The following PLCB4 variants were observed in gnomAD, a reference collection of about 807,000 sequenced individuals.
The protein encoded by PLCB4 is 1-phosphatidylinositol 4,5-bisphosphate phosphodiesterase beta-4.
A neutral mutation model predicts 178.8 loss-of-function variants in PLCB4; 77 were observed. The ratio of observed to expected loss-of-function variants is 0.43; its 90% CI spans 0.36 to 0.52. PLCB4 has a LOEUF of 0.52. Ranked by LOEUF, PLCB4 falls within the 20% of genes least tolerant of loss-of-function variation. PLCB4 has a pLI of 0.00. For synonymous variants in PLCB4, 496 were observed against 490.8 expected, an observed-to-expected ratio of 1.01 and a Z score of -0.14; for missense variants, 1,024 against 1,453.4, an observed-to-expected ratio of 0.70 and a Z score of 4.80.
chr20:9,248,960 G>T (rs1029665219), intron 3 of PLCB4, among the ~76,000 whole-genome samples: 1 of 152,178 alleles, frequency 6.6e-6, no homozygotes, highest in Admixed American at 6.5e-5. Context: ...GGGCTCCTGA[G>T]GGGGACCCTT....
intron 3 of PLCB4, among the ~76,000 whole-genome samples, chr20:9,259,275 A>G (rs1211128448): frequency 6.6e-6 from 1 of 152,192 alleles, no homozygotes; most frequent in African/African-American, 2.4e-5. Context: ...ATTTATACTT[A>G]CCACTTGTTT....
intron 6 of PLCB4, among the ~76,000 whole-genome samples, chr20:9,338,373 C>T (rs752853966): frequency 4.6e-5 from 7 of 151,782 alleles, no homozygotes; most frequent in Non-Finnish European, 8.8e-5. Context: ...AACAAAGACC[C>T]TCATATCTAG....
At chr20:9,399,790 A>G (rs192689140) in intron 19 of PLCB4, among the ~76,000 whole-genome samples, 1 of 152,242 alleles carries the variant, frequency 6.6e-6, no homozygotes, top group Non-Finnish European at 1.5e-5. Flanking sequence ...CAGTTTAGAC[A>G]TAAATTAAAT....
chr20:9,081,785 C>CAAAAAAAAAAA (rs2090159962), intron 1 of PLCB4, among the ~76,000 whole-genome samples: 1 of 57,744 alleles, frequency 1.7e-5, no homozygotes, highest in African/African-American at 6.1e-5. Flanking sequence ...AAAAAAAAAG[C>CAAAAAAAAAAA]CAAAGTTTAG....
In PLCB4 at chr20:9,322,894, A is replaced by C. The variant is rs563982743; in HGVS notation, c.85-14232A>C. On this transcript the variant is annotated intron_variant, in intron 4 of 39. Transcript: ENST00000378473. ...TTGCTACTCAAGAGATGTGACCATG[A>C]GTCAGTCTTAACACCCACCAAGCAC... 3.0e-4 allele frequency among the ~76,000 whole-genome samples: 45 copies of C among 152,338 alleles called. No individual in the cohort carries two copies. In the Middle Eastern group the frequency reaches 0.01, roughly 35 times the overall value.
chr20:9,370,010 G>A (rs976974882), intron 9 of PLCB4, among the ~76,000 whole-genome samples: 4 of 152,204 alleles, frequency 2.6e-5, no homozygotes, highest in Admixed American at 1.3e-4. Flanking sequence ...ATCAGGGAGC[G>A]ATTGAAGGCT....
intron 3 of PLCB4, among the ~76,000 whole-genome samples, chr20:9,298,856 A>C (rs1285376959): frequency 6.6e-6 from 1 of 152,054 alleles, no homozygotes; most frequent in Non-Finnish European, 1.5e-5. Flanking sequence ...ATTCCTGTGC[A>C]ATTTGTGTTC....
Position 9,407,922 on chromosome 20 carries a change from G to A in PLCB4, c.1653G>A (p.Leu551=). The part of the protein sequence containing the change: ...DLEHENNKKG[L]VTVEDEQAWM... ...TTTCTTCCTTGTGCTTGTAGGGCCTGGTCACTGTAGAAGATGAGCAGGCGT... is the reference window on the plus strand; with the variant it reads ...TTTCTTCCTTGTGCTTGTAGGGCCTAGTCACTGTAGAAGATGAGCAGGCGT... Residue 551 remains leucine, a synonymous_variant, in exon 22 of 40, where the codon CTG becomes CTA. Coordinates refer to ENST00000378473, the MANE Select transcript of PLCB4 (RefSeq NM_001377142.1). 1 of 1,612,192 alleles carries A rather than the reference G, an allele frequency of 6.2e-7. No homozygotes were observed. The highest frequency in any genetic ancestry group is 2.2e-5 in the East Asian group (1 of 44,830).
chr20:9,111,949 T>C (rs2091590391), intron 2 of PLCB4, among the ~76,000 whole-genome samples: 1 of 152,174 alleles, frequency 6.6e-6, no homozygotes, highest in African/African-American at 2.4e-5. Context: ...AGTGGAAGTA[T>C]TACTATCACC....
intron 4 of PLCB4, among the ~76,000 whole-genome samples, chr20:9,313,972 A>G (rs1479583858): frequency 2.0e-5 from 3 of 152,206 alleles, no homozygotes; most frequent in East Asian, 1.9e-4. Context: ...AGAAGCCTCA[A>G]TGAGGAGGCC....
intron 4 of PLCB4, among the ~76,000 whole-genome samples, chr20:9,308,574 G>C (rs917607705): frequency 2.6e-5 from 4 of 152,178 alleles, no homozygotes; most frequent in Admixed American, 2.6e-4. Context: ...CCTTTACCAA[G>C]AAGTTGAAAG....
chr20:9,189,665 C>G (rs999788937), intron 2 of PLCB4, among the ~76,000 whole-genome samples: 29 of 152,274 alleles, frequency 1.9e-4, no homozygotes, highest in African/African-American at 7.0e-4. Context: ...AAAATTATTT[C>G]TCATAATTCT....
intron 7 of PLCB4, among the ~76,000 whole-genome samples, chr20:9,353,251 G>A (rs113468575): frequency 0.014 from 2,105 of 152,258 alleles, 27 homozygotes; most frequent in Non-Finnish European, 0.022. Flanking sequence ...ACTTGTGTAG[G>A]ATGGCAGCTT....
At chr20:9,142,934 A>G (rs968481582) in intron 2 of PLCB4, among the ~76,000 whole-genome samples, 2 of 152,048 alleles carry the variant, frequency 1.3e-5, no homozygotes, top group African/African-American at 4.8e-5. Flanking sequence ...ATCTGTTACT[A>G]CCTTCTCCTT....
chr20:9,445,455 G>A (rs1018056399), intron 32 of PLCB4, among the ~76,000 whole-genome samples: 1 of 152,168 alleles, frequency 6.6e-6, no homozygotes, highest in African/African-American at 2.4e-5. Flanking sequence ...GAGATGCCGA[G>A]AACATTGTCT....
At chr20:9,478,898 A>G in intron 39 of PLCB4, 23 bp from the exon 40 acceptor site, 1 of 1,586,660 alleles carries the variant, frequency 6.3e-7, no homozygotes, top group Non-Finnish European at 8.7e-7. Flanking sequence ...AACACACGTA[A>G]GGCCATGTTT....
intron 3 of PLCB4, among the ~76,000 whole-genome samples, chr20:9,296,493 C>G (rs1478622751): frequency 1.3e-5 from 2 of 152,170 alleles, no homozygotes; most frequent in Non-Finnish European, 2.9e-5. Flanking sequence ...TTTGACACAG[C>G]AATCCCATTA....
rs754295464 is a variant in PLCB4 at position 9,478,954 on chromosome 20, G to T, written c.3566G>T (p.Ser1189Ile). The T allele has an allele frequency of 3.1e-6, 5 of 1,613,738 alleles. No homozygotes were observed. In the South Asian group the frequency reaches 5.5e-5, roughly 18 times the overall value. Reference protein sequence around the residue: ...EGDAADGEIGSRDGPQTSNSS... With the variant: ...EGDAADGEIGIRDGPQTSNSS... ...GATGCAGCAGATGGTGAAATTGGAA[G>T]CCGAGATGGACCGCAGACCAGCAAC... The change falls in exon 40 of 40, where the codon AGC (serine) becomes ATC (isoleucine). Residue 1189 changes from serine to isoleucine, a missense_variant. By Grantham distance (142) the Ser-to-Ile change is moderately radical. Transcript: ENST00000378473.
chr20:9,378,397 G>A (rs1193344999), intron 12 of PLCB4, among the ~76,000 whole-genome samples: 6 of 152,076 alleles, frequency 3.9e-5, no homozygotes, highest in African/African-American at 1.2e-4. Flanking sequence ...ATGTGAGAAG[G>A]GATGTGCCTA....
Sources: gnomAD v4.1 joint callset for allele counts (sites outside exome capture counted in the v4.1 genomes callset) on GRCh38, gnomAD v4.1.1 for gene constraint, MANE v1.5 for transcripts, NCBI Gene and HGNC (gene_info 2026-07-23, HGNC 2026-07-21) for gene names.